The following NEK11 variants were observed in gnomAD, a reference collection of about 807,000 sequenced individuals.
NEK11 encodes serine/threonine-protein kinase Nek11.
NEK11 carries 72 observed loss-of-function variants against 80.7 expected under a neutral mutation model. The ratio of observed to expected loss-of-function variants is 0.89; its 90% CI spans 0.74 to 1.08. The LOEUF (loss-of-function observed/expected upper bound fraction) is 1.08, where lower values mean the gene tolerates loss of function less well. Ranked by LOEUF, NEK11 falls within the 50% of genes least tolerant of loss-of-function variation. The pLI, the probability that NEK11 is intolerant of heterozygous loss-of-function variation, is 0.00. For missense variants in NEK11, 764 were observed against 763.6 expected (o/e 1.00, Z -0.01); for synonymous variants, 251 against 260.7 (o/e 0.96, Z 0.36).
intron 17 of NEK11, among the ~76,000 whole-genome samples, chr3:131,307,848 G>A (rs886731513): frequency 6.6e-6 from 1 of 152,158 alleles, no homozygotes. Flanking sequence ...GTGACAAAAA[G>A]CTGTTCTATA....
At chr3:131,089,234 T>C (rs1028268193) in intron 4 of NEK11, among the ~76,000 whole-genome samples, 4 of 152,190 alleles carry the variant, frequency 2.6e-5, no homozygotes, top group African/African-American at 7.2e-5. Context: ...TACAGATTCC[T>C]TGGGTCTATG....
chr3:131,144,834 ATAC>A (rs1374928539), intron 7 of NEK11, among the ~76,000 whole-genome samples: 1 of 152,108 alleles, frequency 6.6e-6, no homozygotes, highest in Non-Finnish European at 1.5e-5. Context: ...GTGCAAGCAA[ATAC>A]TAGTCATCAA....
chr3:131,307,066 C>T (rs1250574681), intron 17 of NEK11, among the ~76,000 whole-genome samples: 2 of 152,162 alleles, frequency 1.3e-5, no homozygotes, highest in Non-Finnish European at 2.9e-5. Flanking sequence ...TTTTAAAACT[C>T]TGTTCAGCCT....
At chr3:131,256,964 C>G (rs551599137) in intron 16 of NEK11, among the ~76,000 whole-genome samples, 9 of 152,096 alleles carry the variant, frequency 5.9e-5, no homozygotes, top group African/African-American at 2.2e-4. Context: ...GGATGGACTT[C>G]ATGTGGTCTC....
At chr3:131,089,783 T>G (rs1009934378) in intron 4 of NEK11, among the ~76,000 whole-genome samples, 2 of 152,030 alleles carry the variant, frequency 1.3e-5, no homozygotes, top group Non-Finnish European at 2.9e-5. Context: ...ATAATGATAG[T>G]TGATGATAAT....
At chr3:131,064,290 C>T (rs879328017) in intron 3 of NEK11, among the ~76,000 whole-genome samples, 4 of 152,136 alleles carry the variant, frequency 2.6e-5, no homozygotes, top group East Asian at 1.9e-4. Flanking sequence ...TTTATTTTCT[C>T]ATGTTCTGGA....
chr3:131,273,893 C>T (rs530396053), intron 17 of NEK11, among the ~76,000 whole-genome samples: 3 of 152,182 alleles, frequency 2.0e-5, no homozygotes, highest in African/African-American at 4.8e-5. Flanking sequence ...ATTTCCAAGC[C>T]TAAAGCTGTT....
In NEK11 at chr3:131,255,050, G is replaced by GAGAGAGAGAC. The variant is rs1222083767; in HGVS notation, c.1621+11557_1621+11558insGAGAGACAGA. ...AGAAAGAAAGAGAGAGAGAGAGAGA[G>GAGAGAGAGAC]AGACAGACAGACAGACAGACAGAAA... On this transcript the variant is annotated intron_variant, in intron 16 of 17. Coordinates refer to ENST00000383366, the MANE Select transcript of NEK11 (RefSeq NM_024800.5). Among the ~76,000 whole-genome samples the GAGAGAGAGAC allele has an allele frequency of 2.0e-3, 267 of 132,706 alleles. 2 individuals are homozygous for GAGAGAGAGAC. The highest frequency in any genetic ancestry group is 9.7e-3 in the East Asian group (43 of 4,446). The allele number at this position is 132,706 out of a possible 152,430, so 87.1% of individuals were successfully genotyped here.
intron 14 of NEK11, among the ~76,000 whole-genome samples, chr3:131,221,902 G>A (rs1443378567): frequency 6.6e-6 from 1 of 152,184 alleles, no homozygotes; most frequent in Non-Finnish European, 1.5e-5. Context: ...AACACTGGGT[G>A]TGGGAGCAAG....
intron 17 of NEK11, among the ~76,000 whole-genome samples, chr3:131,307,052 A>AT (rs2096730762): frequency 6.6e-6 from 1 of 152,018 alleles, no homozygotes; most frequent in African/African-American, 2.4e-5. Context: ...AGAGTTGTTG[A>AT]TTTTTTTAAA....
chr3:131,217,104 C>T (rs944224828), intron 14 of NEK11, among the ~76,000 whole-genome samples: 26 of 152,094 alleles, frequency 1.7e-4, no homozygotes, highest in African/African-American at 5.1e-4. Context: ...ACACAGTGTT[C>T]GAGGCCCAGC....
intron 16 of NEK11, among the ~76,000 whole-genome samples, chr3:131,257,336 C>T (rs918332367): frequency 6.6e-6 from 1 of 151,902 alleles, no homozygotes; most frequent in African/African-American, 2.4e-5. Flanking sequence ...ATTTCTACAC[C>T]CTAATTACAT....
intron 14 of NEK11, among the ~76,000 whole-genome samples, chr3:131,180,926 G>T (rs189997626): frequency 6.6e-6 from 1 of 152,262 alleles, no homozygotes; most frequent in East Asian, 1.9e-4. Context: ...GGAGGACAGG[G>T]TTATATTTGT....
chr3:131,251,364 G>A (rs564615292), intron 16 of NEK11, among the ~76,000 whole-genome samples: 123 of 151,926 alleles, frequency 8.1e-4, no homozygotes, highest in Non-Finnish European at 1.4e-3. Flanking sequence ...TTAAAAAGAG[G>A]TAAGTGTTGG....
intron 4 of NEK11, among the ~76,000 whole-genome samples, chr3:131,094,044 T>G (rs951404964): frequency 6.7e-6 from 1 of 149,422 alleles, no homozygotes; most frequent in South Asian, 2.2e-4. Context: ...CCTTGAGATC[T>G]CCAGTGGATT....
chr3:131,198,410 T>G (rs915484502), intron 14 of NEK11, among the ~76,000 whole-genome samples: 1 of 152,208 alleles, frequency 6.6e-6, no homozygotes, highest in Admixed American at 6.5e-5. Context: ...GTTGCACAAG[T>G]GCGCAGTCAC....
chr3:131,177,962 G>A (rs112697553), intron 14 of NEK11, among the ~76,000 whole-genome samples: 13 of 152,274 alleles, frequency 8.5e-5, no homozygotes, highest in Admixed American at 2.6e-4. Context: ...AGCCTAATGC[G>A]CATCTAGGCT....
At chr3:131,215,674 T>C (rs2094810981) in intron 14 of NEK11, among the ~76,000 whole-genome samples, 1 of 152,170 alleles carries the variant, frequency 6.6e-6, no homozygotes, top group South Asian at 2.1e-4. Flanking sequence ...TGGGGTGCGA[T>C]GGAGACACTA....
intron 17 of NEK11, among the ~76,000 whole-genome samples, chr3:131,345,593 A>G (rs747362312): frequency 7.9e-4 from 121 of 152,312 alleles, no homozygotes; most frequent in Admixed American, 4.8e-3. Flanking sequence ...GGGACAGTAG[A>G]CTGGTACAGC....
Sources: allele counts gnomAD v4.1 joint callset (sites outside exome capture counted in the v4.1 genomes callset), GRCh38; gene constraint gnomAD v4.1.1; transcripts MANE v1.5; gene names NCBI Gene and HGNC (gene_info 2026-07-23, HGNC 2026-07-21).